The following ADAMTS20 variants were observed in gnomAD, a reference collection of about 807,000 sequenced individuals.
The protein encoded by ADAMTS20 is ADAM metallopeptidase with thrombospondin type 1 motif 20.
Under a neutral mutation model 260.1 loss-of-function variants are expected in ADAMTS20, and 225 were observed. The observed-to-expected ratio is 0.87, with a 90% CI of 0.78 to 0.97. ADAMTS20 has a LOEUF of 0.97. Ranked by LOEUF, ADAMTS20 falls within the 50% of genes least tolerant of loss-of-function variation. The pLI is 0.00. For synonymous variants in ADAMTS20, 802 were observed against 769.5 expected, an observed-to-expected ratio of 1.04 and a Z score of -0.70; for missense variants, 2,400 against 2,337.7, an observed-to-expected ratio of 1.03 and a Z score of -0.55.
chr12:43,542,299 A>C (rs577179002), intron 2 of ADAMTS20, among the ~76,000 whole-genome samples: 152 of 152,318 alleles, frequency 1.0e-3, no homozygotes, highest in African/African-American at 3.5e-3. Flanking sequence ...GTAGGTCTAT[A>C]ATGGAAACAT....
intron 7 of ADAMTS20, among the ~76,000 whole-genome samples, chr12:43,482,713 AC>A (rs1387637726): frequency 2.0e-5 from 3 of 152,278 alleles, no homozygotes; most frequent in Admixed American, 2.0e-4. Flanking sequence ...AACACAAAAG[AC>A]AAGGACACTT....
At chr12:43,547,793 G>C (rs1185991388) in intron 2 of ADAMTS20, among the ~76,000 whole-genome samples, 1 of 152,182 alleles carries the variant, frequency 6.6e-6, no homozygotes, top group Non-Finnish European at 1.5e-5. Flanking sequence ...TACAGCACTA[G>C]TGAGAGCCCA....
At chr12:43,549,403 G>A (rs2137534771) in intron 2 of ADAMTS20, among the ~76,000 whole-genome samples, 1 of 152,082 alleles carries the variant, frequency 6.6e-6, no homozygotes, top group East Asian at 1.9e-4. Context: ...AATTCAAAAA[G>A]AGGATATTGA....
rs275602 is a variant in ADAMTS20 at position 43,551,800 on chromosome 12, A to C, written c.91+31T>G. The stretch of plus-strand genomic sequence containing the variant: ...CCACTCGGGCCCCGCGCCCCCACTT[A>C]GCCGCTGAAGGCGTCTCGCGGTGAC... On this transcript the variant is annotated intron_variant, in intron 1 of 38. Coordinates refer to ENST00000389420, the MANE Select transcript of ADAMTS20 (RefSeq NM_025003.5). The surrounding 1 kb of genome is among the most constrained non-coding windows in gnomAD (Gnocchi z 4.6). 1,568,781 of 1,610,814 alleles carry C rather than the reference A, an allele frequency of 0.97. 765,579 individuals are homozygous for C. The highest frequency in any genetic ancestry group is 0.99 in the South Asian group (89,811 of 91,048).
chr12:43,517,513 G>T (rs1031335954), intron 3 of ADAMTS20, among the ~76,000 whole-genome samples: 2 of 151,942 alleles, frequency 1.3e-5, no homozygotes, highest in Admixed American at 1.3e-4. Context: ...CCTCCACAAA[G>T]AAATCTATTA....
At chr12:43,538,970 T>TTTTTTTTA (rs1943336065) in intron 2 of ADAMTS20, among the ~76,000 whole-genome samples, 1 of 128,740 alleles carries the variant, frequency 7.8e-6, no homozygotes, top group African/African-American at 2.8e-5. Flanking sequence ...TTTTTTTTTT[T>TTTTTTTTA]GAGATGGAGT....
intron 4 of ADAMTS20, among the ~76,000 whole-genome samples, chr12:43,497,430 T>C (rs924683031): frequency 1.1e-4 from 16 of 152,264 alleles, no homozygotes; most frequent in Middle Eastern, 6.8e-3. Flanking sequence ...AAGTCATCTA[T>C]AAAAAACTGA....
At chr12:43,397,389 T>C (rs1038750017) in intron 29 of ADAMTS20, among the ~76,000 whole-genome samples, 3 of 152,188 alleles carry the variant, frequency 2.0e-5, no homozygotes, top group Non-Finnish European at 4.4e-5. Context: ...CATATCTGAG[T>C]TCTTCTGAGC....
Position 43,452,637 on chromosome 12 carries a change from T to C in ADAMTS20, c.1819A>G (p.Thr607Ala), listed in dbSNP as rs1941890344. The change falls in exon 13 of 39, where the codon ACT (threonine) becomes GCT (alanine). Residue 607 changes from threonine to alanine, a missense_variant. Transcript: ENST00000389420. ...TGTGTGCCTTTTGGACATGAATCAG[T>C]ATTACATGATCGAAATTTCATCCTG... is the stretch of plus-strand genomic sequence containing the variant. ...GRRMKFRSCN[T>A]DSCPKGTQDF... 1 of 1,612,726 alleles carries C rather than the reference T, an allele frequency of 6.2e-7. No homozygotes were observed. The highest frequency in any genetic ancestry group is 8.5e-7 in the Non-Finnish European group (1 of 1,179,322).
At chr12:43,487,101 A>T (rs1275442560) in intron 7 of ADAMTS20, among the ~76,000 whole-genome samples, 1 of 152,166 alleles carries the variant, frequency 6.6e-6, no homozygotes, top group Non-Finnish European at 1.5e-5. Flanking sequence ...AGAAGTCACT[A>T]TATCAAAAAG....
chr12:43,461,043 T>C (rs1942056234), intron 11 of ADAMTS20, among the ~76,000 whole-genome samples: 1 of 136,358 alleles, frequency 7.3e-6, no homozygotes, highest in African/African-American at 2.7e-5. Flanking sequence ...CCCCTAGTAG[T>C]GCAAAGGCGT....
chr12:43,368,551 A>G (rs897235835), intron 37 of ADAMTS20, among the ~76,000 whole-genome samples: 2 of 152,116 alleles, frequency 1.3e-5, no homozygotes, highest in African/African-American at 4.8e-5. Flanking sequence ...GACTATGACA[A>G]ACTATTAACT....
intron 14 of ADAMTS20, among the ~76,000 whole-genome samples, chr12:43,446,956 C>T (rs1941773884): frequency 6.6e-6 from 1 of 152,026 alleles, no homozygotes; most frequent in East Asian, 1.9e-4. Flanking sequence ...AAGAGAATCC[C>T]TGGACAGACC....
chr12:43,385,158 A>G (rs1362369931), intron 29 of ADAMTS20, among the ~76,000 whole-genome samples: 1 of 152,108 alleles, frequency 6.6e-6, no homozygotes, highest in Non-Finnish European at 1.5e-5. Flanking sequence ...TCTAACTGGC[A>G]TGAGATGGTA....
chr12:43,493,889 G>T (rs1377944898), intron 4 of ADAMTS20, among the ~76,000 whole-genome samples: 1 of 152,142 alleles, frequency 6.6e-6, no homozygotes, highest in East Asian at 1.9e-4. Context: ...CCTAGAAGAG[G>T]TCATGAGTCA....
rs773610159 is a variant in ADAMTS20, at chr12:43,551,047, G to C, written c.315C>G (p.Thr105=). 4 of 1,613,528 alleles carry C rather than the reference G, an allele frequency of 2.5e-6. No homozygotes were observed. In the African/African-American group the frequency reaches 4.0e-5, roughly 16 times the overall value. Residue 105 remains threonine (T), a synonymous_variant, in exon 2 of 39, where the codon ACC becomes ACG. Coordinates refer to ENST00000389420, the MANE Select transcript of ADAMTS20 (RefSeq NM_025003.5). This position sits in a 1 kb window ranked among gnomAD's most constrained non-coding sequence, Gnocchi z 4.6. ...ADASFLAAGY[T]EVHLGTPERG... ...GCTCCGGGGTTCCCAAGTGCACCTC[G>C]GTGTAGCCGGCGGCCAGAAAGGATG...
intron 31 of ADAMTS20, among the ~76,000 whole-genome samples, chr12:43,382,278 T>C (rs1354956061): frequency 6.6e-6 from 1 of 152,158 alleles, no homozygotes; most frequent in East Asian, 1.9e-4. Flanking sequence ...AGTATATTCC[T>C]ACAATGGAAT....
intron 7 of ADAMTS20, among the ~76,000 whole-genome samples, chr12:43,476,742 A>G (rs1171265401): frequency 2.2e-5 from 3 of 138,872 alleles, no homozygotes; most frequent in Non-Finnish European, 4.6e-5. Flanking sequence ...AACTATCACA[A>G]GAACAAAAAA....
At chr12:43,439,325 T>C (rs1941614438) in intron 18 of ADAMTS20, among the ~76,000 whole-genome samples, 2 of 152,160 alleles carry the variant, frequency 1.3e-5, no homozygotes, top group South Asian at 4.1e-4. Context: ...AGGATATATA[T>C]AAGTTAGAGA....
Sources: allele counts gnomAD v4.1 joint callset (sites outside exome capture counted in the v4.1 genomes callset), GRCh38; gene constraint gnomAD v4.1.1; non-coding constraint Gnocchi (gnomAD v3.1); transcripts MANE v1.5; gene names NCBI Gene and HGNC (gene_info 2026-07-23, HGNC 2026-07-21).